CACNA2D3: variants seen among roughly 807,000 people sequenced by gnomAD.
The protein encoded by CACNA2D3 is voltage-dependent calcium channel subunit alpha-2/delta-3.
CACNA2D3 carries 60 observed loss-of-function variants against 160.6 expected under a neutral mutation model. That is an observed-to-expected ratio of 0.37 (90% CI 0.30 to 0.46). The LOEUF (loss-of-function observed/expected upper bound fraction) is 0.46. Ranked by LOEUF, CACNA2D3 falls within the 20% of genes least tolerant of loss-of-function variation. The pLI is 1.00. For missense variants in CACNA2D3, 1,205 were observed against 1,365.0 expected, an observed-to-expected ratio of 0.88 and a Z score of 1.85; for synonymous variants, 558 against 492.9, an observed-to-expected ratio of 1.13 and a Z score of -1.75.
At position 54,218,500 on chromosome 3, in the gene CACNA2D3, G is replaced by C. The variant is rs546799619; in HGVS notation, c.204+94906G>C. Among the ~76,000 whole-genome samples the C allele has an allele frequency of 7.2e-5, 11 of 151,890 alleles. No homozygotes were observed. In the South Asian group the frequency reaches 2.3e-3, roughly 32 times the overall value. ...AATTTGACCCTAGGGTGAGGTGAAG[G>C]GTTCTGTTTTGTAACTTCTGTCTTA... On this transcript the variant is annotated intron_variant, in intron 2 of 37. Coordinates refer to ENST00000474759, the MANE Select transcript of CACNA2D3 (RefSeq NM_018398.3).
intron 27 of CACNA2D3, among the ~76,000 whole-genome samples, chr3:54,909,048 G>A (rs1378815926): frequency 6.6e-6 from 1 of 152,218 alleles, no homozygotes; most frequent in East Asian, 1.9e-4. Context: ...TTAAATCAGA[G>A]GTTATGTAAG....
chr3:54,654,230 A>G (rs1349967951), intron 11 of CACNA2D3, among the ~76,000 whole-genome samples: 1 of 152,070 alleles, frequency 6.6e-6, no homozygotes, highest in African/African-American at 2.4e-5. Context: ...CATTTTCTGC[A>G]GGCAGAACCC....
At position 54,561,673 on chromosome 3, in the gene CACNA2D3, T is replaced by C. The variant is rs529025061; in HGVS notation, c.545-1127T>C. Among the ~76,000 whole-genome samples the C allele has an allele frequency of 4.6e-5, 7 of 152,332 alleles. No individual in the cohort carries two copies. In the South Asian group the frequency reaches 1.5e-3, roughly 32 times the overall value. On this transcript the variant is annotated intron_variant, in intron 5 of 37. Transcript: ENST00000474759. ...CTGCACTGAAGGCAAGGAGTTGTCT[T>C]TGGGCTACCATAGGTGAGGAAAAGA... is the stretch of plus-strand genomic sequence containing the variant.
chr3:54,980,425 C>G (rs1165309577), intron 29 of CACNA2D3, among the ~76,000 whole-genome samples: 1 of 152,182 alleles, frequency 6.6e-6, no homozygotes, highest in Non-Finnish European at 1.5e-5. Flanking sequence ...GTCATTCAAA[C>G]TTTTAGCTTT....
chr3:54,404,326 G>A (rs557554863), intron 4 of CACNA2D3, among the ~76,000 whole-genome samples: 73 of 152,240 alleles, frequency 4.8e-4, no homozygotes, highest in Non-Finnish European at 6.9e-4. Context: ...CCCTGGCCAT[G>A]TAAGACTAGC....
intron 2 of CACNA2D3, among the ~76,000 whole-genome samples, chr3:54,149,695 C>G (rs886377919): frequency 1.3e-5 from 2 of 152,036 alleles, no homozygotes; most frequent in African/African-American, 4.8e-5. Flanking sequence ...CGAGGAGCAG[C>G]TTGTAGGGTG....
chr3:54,730,955 A>C (rs1256140224), intron 11 of CACNA2D3, among the ~76,000 whole-genome samples: 1 of 152,226 alleles, frequency 6.6e-6, no homozygotes, highest in Non-Finnish European at 1.5e-5. Flanking sequence ...AACTGTCAAG[A>C]GATCAAGTAA....
At chr3:54,880,773 A>G (rs765823144) in intron 20 of CACNA2D3, 23 bp from the exon 21 acceptor site, 3 of 1,606,852 alleles carry the variant, frequency 1.9e-6, no homozygotes, top group Non-Finnish European at 2.6e-6. Context: ...GGATTTCAAG[A>G]TTTGCTTTGT....
At chr3:55,067,098 T>G (rs1208242819) in intron 35 of CACNA2D3, among the ~76,000 whole-genome samples, 1 of 148,294 alleles carries the variant, frequency 6.7e-6, no homozygotes, top group South Asian at 2.1e-4. Flanking sequence ...CAATCTTTTG[T>G]AGCGGGGGGG....
chr3:54,709,295 G>T (rs990618170), intron 11 of CACNA2D3, among the ~76,000 whole-genome samples: 1 of 151,850 alleles, frequency 6.6e-6, no homozygotes, highest in Non-Finnish European at 1.5e-5. Context: ...GATTACAGGT[G>T]TGAGCCACCG....
At chr3:54,814,055 G>A (rs1036033354) in intron 13 of CACNA2D3, among the ~76,000 whole-genome samples, 1 of 151,616 alleles carries the variant, frequency 6.6e-6, no homozygotes, top group Non-Finnish European at 1.5e-5. Flanking sequence ...TTTTTGTAGA[G>A]ATGGAGTTTC....
At chr3:54,514,461 T>C (rs1354071834) in intron 5 of CACNA2D3, among the ~76,000 whole-genome samples, 1 of 152,154 alleles carries the variant, frequency 6.6e-6, no homozygotes, top group African/African-American at 2.4e-5. Flanking sequence ...TTAATAAATA[T>C]TCGTGGAGCA....
At chr3:54,158,639 C>G (rs149953376) in intron 2 of CACNA2D3, among the ~76,000 whole-genome samples, 41 of 152,296 alleles carry the variant, frequency 2.7e-4, no homozygotes, top group African/African-American at 9.9e-4. Flanking sequence ...ATCAAGTTCC[C>G]ACATGGACTT....
chr3:54,497,745 T>C (rs1701224084), intron 4 of CACNA2D3, among the ~76,000 whole-genome samples: 1 of 152,048 alleles, frequency 6.6e-6, no homozygotes, highest in Admixed American at 6.5e-5. Context: ...TTTTTGTAAA[T>C]CCTTTTCATT....
chr3:54,353,618 G>A (rs1345534134), intron 3 of CACNA2D3, among the ~76,000 whole-genome samples: 2 of 152,256 alleles, frequency 1.3e-5, no homozygotes, highest in East Asian at 3.9e-4. Context: ...TCCCAGCCAT[G>A]CAGTAGCGCA....
chr3:54,568,004 A>G (rs1702436341), intron 6 of CACNA2D3, among the ~76,000 whole-genome samples: 1 of 152,200 alleles, frequency 6.6e-6, no homozygotes, highest in Non-Finnish European at 1.5e-5. Flanking sequence ...TTATTGTGCT[A>G]TTTGTTGTAG....
rs562659549 is a variant in CACNA2D3 at position 54,287,205 on chromosome 3, T to C, written c.205-33237T>C. Among the ~76,000 whole-genome samples the C allele has an allele frequency of 3.7e-3, 568 of 152,080 alleles. 5 individuals carry two copies. Among genetic ancestry groups the C allele is most frequent in the African/African-American group, 0.013 (536 of 41,460 alleles). On this transcript the variant is annotated intron_variant, in intron 2 of 37. Coordinates refer to ENST00000474759, the MANE Select transcript of CACNA2D3 (RefSeq NM_018398.3). ...CCCATCTCACGTGCAGAGACACACA[T>C]AGGCTCAAAATAAAGGGACGGAGGA...
intron 11 of CACNA2D3, among the ~76,000 whole-genome samples, chr3:54,654,687 G>T (rs1699843968): frequency 6.6e-6 from 1 of 152,156 alleles, no homozygotes; most frequent in Admixed American, 6.5e-5. Context: ...TCACAGGAGG[G>T]TCCTGTGGGG....
chr3:54,824,247 A>G (rs2106732400), intron 14 of CACNA2D3, among the ~76,000 whole-genome samples: 1 of 152,354 alleles, frequency 6.6e-6, no homozygotes, highest in Admixed American at 6.5e-5. Flanking sequence ...GACTCAGTCC[A>G]TGTCAGATGC....
Sources: gnomAD v4.1 joint callset for allele counts (sites outside exome capture counted in the v4.1 genomes callset) on GRCh38, gnomAD v4.1.1 for gene constraint, MANE v1.5 for transcripts, NCBI Gene and HGNC (gene_info 2026-07-23, HGNC 2026-07-21) for gene names.